TANC2: variants seen among roughly 807,000 people sequenced by gnomAD.
The protein encoded by TANC2 is protein TANC2.
In TANC2, 26 loss-of-function variants were observed where a neutral mutation model predicts 210.5. That is an observed-to-expected ratio of 0.12 (90% CI 0.09 to 0.17). The LOEUF (loss-of-function observed/expected upper bound fraction) is 0.17. Ranked by LOEUF, TANC2 falls within the 10% of genes least tolerant of loss-of-function variation. The probability of loss-of-function intolerance (pLI) is 1.00; values close to 1 mark genes in which losing one functional copy is unlikely to be tolerated. For synonymous variants in TANC2, 931 were observed against 967.1 expected, an observed-to-expected ratio of 0.96 and a Z score of 0.69; for missense variants, 2,129 against 2,608.9, an observed-to-expected ratio of 0.82 and a Z score of 4.01.
chr17:62,996,520 A>T (rs1301753181), intron 1 of TANC2, among the ~76,000 whole-genome samples: 5 of 152,060 alleles, frequency 3.3e-5, no homozygotes, highest in Non-Finnish European at 1.5e-5. Flanking sequence ...TCTAACCATG[A>T]AGCATCCTTG....
intron 12 of TANC2, among the ~76,000 whole-genome samples, chr17:63,346,259 T>C (rs2046406960): frequency 6.6e-6 from 1 of 152,156 alleles, no homozygotes; most frequent in African/African-American, 2.4e-5. Flanking sequence ...ATAAAAATGA[T>C]GACAAATTAG....
chr17:63,405,841 G>A (rs926094248), intron 20 of TANC2, among the ~76,000 whole-genome samples: 4 of 152,184 alleles, frequency 2.6e-5, no homozygotes, highest in African/African-American at 9.7e-5. Context: ...CCACTAGAGG[G>A]CAATAAAGGA....
intron 14 of TANC2, among the ~76,000 whole-genome samples, chr17:63,365,684 G>T (rs1028570318): frequency 6.6e-6 from 1 of 151,996 alleles, no homozygotes; most frequent in Admixed American, 6.6e-5. Context: ...TTTAGAACTT[G>T]CACTTTCCCA....
chr17:63,122,333 C>A (rs1313767716), intron 4 of TANC2, among the ~76,000 whole-genome samples: 2 of 152,138 alleles, frequency 1.3e-5, no homozygotes, highest in African/African-American at 4.8e-5. Flanking sequence ...TTCCAAGGAG[C>A]ATGCTTTAGG....
chr17:63,329,122 G>A (rs1178164049), intron 11 of TANC2, among the ~76,000 whole-genome samples: 1 of 152,016 alleles, frequency 6.6e-6, no homozygotes, highest in Non-Finnish European at 1.5e-5. Flanking sequence ...TTTCTGAAAT[G>A]TTTGCTTTGA....
At chr17:63,399,842 C>T (rs182138515) in intron 19 of TANC2, among the ~76,000 whole-genome samples, 324 of 152,324 alleles carry the variant, frequency 2.1e-3, no homozygotes, top group Non-Finnish European at 4.0e-3. Context: ...AGACACATTT[C>T]CTGACTTCTT....
chr17:63,419,558 G>C (rs1184605103), intron 27 of TANC2, among the ~76,000 whole-genome samples: 1 of 152,154 alleles, frequency 6.6e-6, no homozygotes, highest in Non-Finnish European at 1.5e-5. Flanking sequence ...CTGAAATTTG[G>C]AGCTAAAATA....
chr17:63,077,390 C>T (rs1199249311), intron 3 of TANC2, among the ~76,000 whole-genome samples: 2 of 151,934 alleles, frequency 1.3e-5, no homozygotes, highest in African/African-American at 4.8e-5. Context: ...AAAAGTCAGC[C>T]AAATGAAAGA....
At chr17:63,003,708 T>A (rs966204067) in intron 1 of TANC2, among the ~76,000 whole-genome samples, 2 of 152,228 alleles carry the variant, frequency 1.3e-5, no homozygotes, top group African/African-American at 4.8e-5. Flanking sequence ...AGTCCTGTGT[T>A]ATATATGTTT....
Position 63,358,374 on chromosome 17 carries a change from A to ATGTGTGT in TANC2, c.2582+2984_2582+2985insTGTGTGT, listed in dbSNP as rs1555641202. ...GAGTGAGAGAGAGAGAGAGAGAGAGAGAGTATGTGTGTGTGTGTGTGTGTG... is the reference window on the plus strand; with the variant it reads ...GAGTGAGAGAGAGAGAGAGAGAGAGATGTGTGTGAGTATGTGTGTGTGTGTGTGTGTG... On this transcript the variant is annotated intron_variant, in intron 14 of 27. Coordinates refer to ENST00000689528, the Ensembl canonical transcript of TANC2. Among the ~76,000 whole-genome samples the ATGTGTGT allele has an allele frequency of 1.6e-3, 156 of 94,758 alleles. 1 individual carries two copies. Among genetic ancestry groups the ATGTGTGT allele is most frequent in the African/African-American group, 5.8e-3 (143 of 24,746 alleles). The allele number at this position is 94,758 out of a possible 152,430, so 62.2% of individuals were successfully genotyped here. A position where few individuals can be genotyped will look rare whatever the true frequency, so the allele number is the denominator to read the frequency against.
intron 15 of TANC2, among the ~76,000 whole-genome samples, chr17:63,383,223 C>T (rs970598311): frequency 6.6e-5 from 10 of 152,156 alleles, no homozygotes; most frequent in Non-Finnish European, 1.0e-4. Context: ...TAGCTGCAGT[C>T]CATCCTTTAT....
intron 9 of TANC2, among the ~76,000 whole-genome samples, chr17:63,287,687 T>TA (rs1491201781): frequency 1.9e-3 from 51 of 27,446 alleles, no homozygotes; most frequent in South Asian, 4.2e-3. Flanking sequence ...CCTGTATATA[T>TA]TTTTTTTTTT....
At chr17:63,243,326 A>G (rs577476211) in intron 8 of TANC2, among the ~76,000 whole-genome samples, 3 of 152,360 alleles carry the variant, frequency 2.0e-5, no homozygotes, top group African/African-American at 4.8e-5. Flanking sequence ...CTATATATGC[A>G]TGTTATCTAA....
At chr17:63,277,453 G>A (rs1292643284) in intron 9 of TANC2, among the ~76,000 whole-genome samples, 2 of 151,880 alleles carry the variant, frequency 1.3e-5, no homozygotes, top group African/African-American at 4.8e-5. Flanking sequence ...CATCTAATCA[G>A]TATAATGCCT....
intron 4 of TANC2, among the ~76,000 whole-genome samples, chr17:63,139,901 C>T (rs1248475077): frequency 6.6e-6 from 1 of 152,166 alleles, no homozygotes; most frequent in Non-Finnish European, 1.5e-5. Flanking sequence ...AAGACCCTAT[C>T]TCAAGAAAGA....
At position 63,285,760 on chromosome 17, in the gene TANC2, C is replaced by T. The variant is rs192661182; in HGVS notation, c.1159+17887C>T. On this transcript the variant is annotated intron_variant, in intron 9 of 27. Transcript: ENST00000689528. ...ATACCGGGAAAACGCATTAGTGATT[C>T]ATGACCCAAGATTTTTATTGGCGTG... Among the ~76,000 whole-genome samples the T allele has an allele frequency of 4.9e-4, 74 of 152,310 alleles. No individual in the cohort carries two copies. In the Middle Eastern group the frequency reaches 0.014, roughly 28 times the overall value.
intron 12 of TANC2, among the ~76,000 whole-genome samples, chr17:63,340,612 CT>C (rs1436915048): frequency 5.3e-5 from 8 of 152,096 alleles, no homozygotes; most frequent in Non-Finnish European, 1.2e-4. Flanking sequence ...TCAGTCCTTT[CT>C]GTGAAGTTTA....
At chr17:63,041,440 A>T (rs934776224) in intron 2 of TANC2, among the ~76,000 whole-genome samples, 1 of 152,168 alleles carries the variant, frequency 6.6e-6, no homozygotes, top group African/African-American at 2.4e-5. Context: ...TTCTAACTAG[A>T]GGCTTCTACA....
chr17:63,320,507 T>C (rs1318429182), intron 11 of TANC2: 1 of 152,198 alleles, frequency 6.6e-6, no homozygotes, highest in African/African-American at 2.4e-5. Flanking sequence ...AAAAAATGCA[T>C]AGGACATAAA....
Sources: allele counts gnomAD v4.1 joint callset (sites outside exome capture counted in the v4.1 genomes callset), GRCh38; gene constraint gnomAD v4.1.1; transcripts MANE v1.5; gene names NCBI Gene and HGNC (gene_info 2026-07-23, HGNC 2026-07-21).